The following FCHSD2 variants were observed in gnomAD, a reference collection of about 807,000 sequenced individuals.
The protein encoded by FCHSD2 is FCH and double SH3 domains 2, also known as F-BAR and double SH3 domains protein 2.
A neutral mutation model predicts 108.1 loss-of-function variants in FCHSD2; 38 were observed. The observed-to-expected ratio is 0.35, with a 90% CI of 0.27 to 0.46. The LOEUF (loss-of-function observed/expected upper bound fraction) is 0.46. Among genes scored for constraint, FCHSD2 ranks in the 20% least tolerant of loss-of-function variants. The pLI is 1.00. For missense variants in FCHSD2, 751 were observed against 897.8 expected, an observed-to-expected ratio of 0.84 and a Z score of 2.09; for synonymous variants, 279 against 314.7, an observed-to-expected ratio of 0.89 and a Z score of 1.20.
intron 4 of FCHSD2, among the ~76,000 whole-genome samples, chr11:73,001,724 CAAAA>C (rs1348391981): frequency 6.6e-6 from 1 of 152,124 alleles, no homozygotes; most frequent in African/African-American, 2.4e-5. Flanking sequence ...TTTTGTCTGA[CAAAA>C]GAAATCTATA....
intron 3 of FCHSD2, among the ~76,000 whole-genome samples, chr11:73,080,877 G>C (rs1859668400): frequency 6.6e-6 from 1 of 152,042 alleles, no homozygotes; most frequent in South Asian, 2.1e-4. Flanking sequence ...CCAGGAGGCG[G>C]AAGTTGCAGT....
At chr11:73,104,415 G>A (rs906415703) in intron 2 of FCHSD2, among the ~76,000 whole-genome samples, 8 of 151,654 alleles carry the variant, frequency 5.3e-5, no homozygotes, top group African/African-American at 1.2e-4. Flanking sequence ...GATTACAGAC[G>A]CACACCACCA....
intron 4 of FCHSD2, among the ~76,000 whole-genome samples, chr11:73,004,575 T>C (rs1857700032): frequency 6.6e-6 from 1 of 152,212 alleles, no homozygotes; most frequent in South Asian, 2.1e-4. Context: ...TTAGGTTTCA[T>C]GGTCTATCCT....
intron 8 of FCHSD2, among the ~76,000 whole-genome samples, chr11:72,965,689 G>A (rs1436035155): frequency 6.6e-6 from 1 of 151,088 alleles, no homozygotes; most frequent in Admixed American, 6.6e-5. Flanking sequence ...CAACACCTCA[G>A]AAGGCACTCT....
intron 3 of FCHSD2, among the ~76,000 whole-genome samples, chr11:73,048,048 T>C (rs1858808924): frequency 6.6e-6 from 1 of 151,718 alleles, no homozygotes; most frequent in Non-Finnish European, 1.5e-5. Flanking sequence ...AAAACATGAG[T>C]TATTTCTAAA....
intron 2 of FCHSD2, among the ~76,000 whole-genome samples, chr11:73,091,335 T>C (rs1238374446): frequency 1.3e-5 from 2 of 152,034 alleles, no homozygotes; most frequent in African/African-American, 4.8e-5. Flanking sequence ...GGTCAGGAGT[T>C]CGAGACCAGC....
At chr11:72,957,191 A>G (rs1214671158) in intron 8 of FCHSD2, among the ~76,000 whole-genome samples, 1 of 57,250 alleles carries the variant, frequency 1.7e-5, no homozygotes, top group Non-Finnish European at 3.1e-5. Flanking sequence ...CCCTCCCCCC[A>G]CCCCACCACA....
intron 8 of FCHSD2, among the ~76,000 whole-genome samples, chr11:72,964,789 CTTT>C (rs35280672): frequency 2.3e-5 from 3 of 132,208 alleles, no homozygotes; most frequent in Admixed American, 8.0e-5. Context: ...GATCATTTCA[CTTT>C]TTTTTTTTTT....
chr11:72,959,189 T>C (rs576887988), intron 8 of FCHSD2, among the ~76,000 whole-genome samples: 7 of 151,360 alleles, frequency 4.6e-5, no homozygotes, highest in Admixed American at 1.3e-4. Context: ...TCCCTGTTAT[T>C]CTTTCTTTTC....
intron 3 of FCHSD2, among the ~76,000 whole-genome samples, chr11:73,047,955 G>C (rs1440078373): frequency 6.6e-6 from 1 of 152,068 alleles, no homozygotes; most frequent in African/African-American, 2.4e-5. Context: ...TATGTAGAGT[G>C]ATTATGTTAA....
At chr11:72,999,632 C>G (rs1208463394) in intron 5 of FCHSD2, among the ~76,000 whole-genome samples, 3 of 152,086 alleles carry the variant, frequency 2.0e-5, no homozygotes, top group African/African-American at 7.2e-5. Flanking sequence ...ATCAAACATT[C>G]TTTGCCCAGG....
chr11:72,861,665 C>T (rs1475365929), intron 13 of FCHSD2, among the ~76,000 whole-genome samples: 1 of 152,172 alleles, frequency 6.6e-6, no homozygotes, highest in African/African-American at 2.4e-5. Context: ...CGCGCTGGCT[C>T]ATGCCTGTAA....
At chr11:73,028,136 G>A (rs1858272735) in intron 3 of FCHSD2, among the ~76,000 whole-genome samples, 1 of 152,118 alleles carries the variant, frequency 6.6e-6, no homozygotes, top group Non-Finnish European at 1.5e-5. Context: ...TGAGAAGAGA[G>A]CCACCATCCT....
At chr11:73,104,527 T>C (rs1005196818) in intron 2 of FCHSD2, among the ~76,000 whole-genome samples, 2 of 151,366 alleles carry the variant, frequency 1.3e-5, no homozygotes, top group African/African-American at 2.4e-5. Flanking sequence ...TCCCAAAGTG[T>C]TGGGATTACA....
At chr11:73,010,403 G>GT (rs1214928946) in intron 4 of FCHSD2, among the ~76,000 whole-genome samples, 2 of 151,992 alleles carry the variant, frequency 1.3e-5, no homozygotes, top group Non-Finnish European at 2.9e-5. Context: ...TTGTAAATTT[G>GT]TTTTTTATTG....
intron 13 of FCHSD2, among the ~76,000 whole-genome samples, chr11:72,862,105 A>G (rs1363390512): frequency 2.6e-5 from 4 of 152,208 alleles, no homozygotes; most frequent in Non-Finnish European, 5.9e-5. Context: ...AAATAGAAAC[A>G]GAAGAAACTT....
intron 2 of FCHSD2, among the ~76,000 whole-genome samples, chr11:73,138,764 T>G (rs551981479): frequency 1.3e-5 from 2 of 152,032 alleles, no homozygotes; most frequent in Admixed American, 1.3e-4. Flanking sequence ...CACGCCACCA[T>G]GCCTGGTTAA....
At chr11:73,108,551 GTTTT>G (rs35200645) in intron 2 of FCHSD2, among the ~76,000 whole-genome samples, 4 of 150,652 alleles carry the variant, frequency 2.7e-5, no homozygotes, top group Non-Finnish European at 4.4e-5. Flanking sequence ...TTAGATTTAA[GTTTT>G]TTTTTTTGTT....
At chr11:73,068,065 G>A (rs1039322680) in intron 3 of FCHSD2, among the ~76,000 whole-genome samples, 2 of 151,886 alleles carry the variant, frequency 1.3e-5, no homozygotes, top group South Asian at 2.1e-4. Flanking sequence ...TCACTACCAC[G>A]AGAACAGTAT....
Sources: gnomAD v4.1 joint callset for allele counts (sites outside exome capture counted in the v4.1 genomes callset) on GRCh38, gnomAD v4.1.1 for gene constraint, MANE v1.5 for transcripts, NCBI Gene and HGNC (gene_info 2026-07-23, HGNC 2026-07-21) for gene names.